Variants in TXNDC12 observed in about 807,000 individuals in gnomAD.
TXNDC12 encodes the protein thioredoxin domain-containing protein 12.
A neutral mutation model predicts 24.2 loss-of-function variants in TXNDC12; 22 were observed. The ratio of observed to expected loss-of-function variants is 0.91; its 90% CI spans 0.65 to 1.30. The LOEUF (loss-of-function observed/expected upper bound fraction) is 1.30. Ranked by LOEUF, TXNDC12 falls within the 50% of genes most tolerant of loss-of-function variation. The pLI is 0.00. For missense variants in TXNDC12, 184 were observed against 205.8 expected (o/e 0.89, Z 0.65); for synonymous variants, 58 against 73.4 (o/e 0.79, Z 1.07).
In TXNDC12 at chr1:52,020,590, T is replaced by C. The variant is rs1034231893; in HGVS notation, c.*343A>G. 5 of 304,548 alleles carry C rather than the reference T, an allele frequency of 1.6e-5. No individual in the cohort carries two copies. In the Admixed American group the frequency reaches 2.4e-4, roughly 14 times the overall value. The allele number at this position is 304,548 out of a possible 1,614,324, so 18.9% of individuals were successfully genotyped here. ...CCTTTCACCACTAAGGTGAGTAAAG[T>C]GGGAGGAAATGGGAAAAGACTCAAA... On this transcript the variant is annotated 3_prime_UTR_variant, in exon 7 of 7. Coordinates refer to ENST00000371626, the MANE Select transcript of TXNDC12 (RefSeq NM_015913.4).
At chr1:52,053,387 G>A in intron 1 of TXNDC12, among the ~76,000 whole-genome samples, 1 of 152,034 alleles carries the variant, frequency 6.6e-6, no homozygotes, top group East Asian at 1.9e-4. Context: ...GTAGCTGGCT[G>A]GGCGCAGTGG....
At chr1:52,042,707 C>T (rs1686017188) in intron 1 of TXNDC12, among the ~76,000 whole-genome samples, 1 of 152,126 alleles carries the variant, frequency 6.6e-6, no homozygotes, top group Non-Finnish European at 1.5e-5. Context: ...ACCGCAACCT[C>T]CACCTCCTGG....
chr1:52,053,695 C>A (rs200137274), intron 1 of TXNDC12, among the ~76,000 whole-genome samples: 1 of 150,702 alleles, frequency 6.6e-6, no homozygotes, highest in Non-Finnish European at 1.5e-5. Context: ...CAAAAAAAAA[C>A]GGTAGTCTGT....
At chr1:52,032,461 C>T (rs1281295048) in intron 2 of TXNDC12, 4 of 1,301,670 alleles carry the variant, frequency 3.1e-6, no homozygotes, top group Admixed American at 3.7e-5. Flanking sequence ...TTAGCTCTGT[C>T]CTCTGAGGGA....
chr1:52,023,471 T>A lies in TXNDC12; in HGVS notation c.439+20A>T. The A allele has an allele frequency of 6.3e-7, 1 of 1,596,446 alleles. No homozygotes were observed. The highest frequency in any genetic ancestry group is 1.1e-5 in the South Asian group (1 of 90,718). ...AGTTCAATCTAGCAATAATCCTCCCTCCCTTCAGCATAACTATACCTTGCT... is the reference window on the plus strand; with the variant it reads ...AGTTCAATCTAGCAATAATCCTCCCACCCTTCAGCATAACTATACCTTGCT... On this transcript the variant is annotated intron_variant, in intron 6 of 6. Coordinates refer to ENST00000371626, the MANE Select transcript of TXNDC12 (RefSeq NM_015913.4).
At chr1:52,049,788 T>G (rs1009182581) in intron 1 of TXNDC12, among the ~76,000 whole-genome samples, 3 of 152,050 alleles carry the variant, frequency 2.0e-5, no homozygotes, top group Non-Finnish European at 4.4e-5. Flanking sequence ...TCTGCCCGCC[T>G]TGGCCTCCCA....
intron 2 of TXNDC12, among the ~76,000 whole-genome samples, chr1:52,029,732 G>A (rs1319795276): frequency 6.6e-6 from 1 of 152,164 alleles, no homozygotes; most frequent in East Asian, 1.9e-4. Context: ...TTTGCCATGT[G>A]CCAGGCACTA....
At chr1:52,032,944 T>A in intron 2 of TXNDC12, 1 of 1,597,538 alleles carries the variant, frequency 6.3e-7, no homozygotes, top group Non-Finnish European at 8.5e-7. Context: ...CTGGTCCAAC[T>A]GGTGCAGAAA....
In TXNDC12 at chr1:52,040,951, C is replaced by G. The variant is rs186060864; in HGVS notation, c.158+586G>C. ...GGAGGCTGAGGCTTGACAAGAATTG[C>G]TTGAACCTGGGAGGTGGAGGTTGCA... On this transcript the variant is annotated intron_variant, in intron 2 of 6. Transcript: ENST00000371626. 2.0e-5 allele frequency among the ~76,000 whole-genome samples: 3 copies of G among 151,480 alleles called. No homozygotes were observed. In the East Asian group the frequency reaches 5.9e-4, roughly 30 times the overall value.
intron 2 of TXNDC12, chr1:52,033,005 C>T (rs756161230): frequency 1.9e-6 from 3 of 1,560,416 alleles, no homozygotes; most frequent in South Asian, 1.2e-5. Flanking sequence ...GGTGGTGGGG[C>T]CCGGTTCTCA....
intron 1 of TXNDC12, among the ~76,000 whole-genome samples, chr1:52,047,035 T>C (rs1686108959): frequency 6.6e-6 from 1 of 151,850 alleles, no homozygotes; most frequent in Non-Finnish European, 1.5e-5. Context: ...AGAGTGAGAC[T>C]CTGTCTCTAA....
chr1:52,054,930 G>A, intron 1 of TXNDC12, 70 bp downstream of exon 1: 4 of 1,228,574 alleles, frequency 3.3e-6, no homozygotes, highest in Non-Finnish European at 4.8e-6. Context: ...ACGGTGCTAG[G>A]GCAAGAAGAG....
chr1:52,050,593 G>A (rs989452794), intron 1 of TXNDC12, among the ~76,000 whole-genome samples: 4 of 152,172 alleles, frequency 2.6e-5, no homozygotes, highest in Non-Finnish European at 4.4e-5. Flanking sequence ...AAAAGGTCAA[G>A]CATCAGAGCT....
rs1686309443 is a variant in TXNDC12, at chr1:52,055,080, C to G, written c.17G>C (p.Arg6Pro). The change falls in exon 1 of 7, where the codon CGT (arginine) becomes CCT (proline). Residue 6 changes from arginine to proline, a missense_variant. Transcript: ENST00000371626. The part of the protein sequence containing the change: METRP[R>P]LGATCLLGFS... ...GCCCAGCAAACAGGTGGCCCCGAGA[C>G]GAGGCCGCGTCTCCATGGCAGTAGG... 6.2e-7 allele frequency: 1 copy of G among 1,613,908 alleles called. No homozygotes were observed. The highest frequency in any genetic ancestry group is 1.3e-5 in the African/African-American group (1 of 74,926).
intron 5 of TXNDC12, among the ~76,000 whole-genome samples, chr1:52,024,141 C>T (rs555324549): frequency 2.6e-5 from 4 of 152,110 alleles, no homozygotes; most frequent in South Asian, 4.2e-4. Context: ...ACTACAGGTG[C>T]GTGCCACCAC....
rs34590025 is a variant in TXNDC12, at chr1:52,037,207, CTTT to C, written c.158+4327_158+4329del. 9.4e-3 allele frequency among the ~76,000 whole-genome samples: 1,166 copies of C among 123,504 alleles called. 27 individuals are homozygous for C. In the East Asian group the frequency reaches 0.11, roughly 12 times the overall value. The allele number at this position is 123,504 out of a possible 152,430, so 81.0% of individuals were successfully genotyped here. On this transcript the variant is annotated intron_variant, in intron 2 of 6. Coordinates refer to ENST00000371626, the MANE Select transcript of TXNDC12 (RefSeq NM_015913.4). ...TTGTGTTTGGAGGCAAATAGACCAC[CTTT>C]TTTTTTTTTTTTTTTTTTTGAGACA...
chr1:52,041,475 C>T (rs960549272), intron 2 of TXNDC12, 62 bp downstream of exon 2: 26 of 1,217,234 alleles, frequency 2.1e-5, no homozygotes, highest in East Asian at 7.1e-5. Flanking sequence ...CTGAAATTAA[C>T]GTTAAGTTGA....
chr1:52,033,769 G>A (rs777847937), intron 2 of TXNDC12: 24 of 1,571,620 alleles, frequency 1.5e-5, no homozygotes, highest in Non-Finnish European at 2.1e-5. Flanking sequence ...CATCCTCTCA[G>A]GGAGCGACCA....
Position 52,023,544 on chromosome 1 carries a change from A to G in TXNDC12, c.386T>C (p.Ile129Thr), listed in dbSNP as rs2124357295. The change falls in exon 6 of 7, where the codon ATC becomes ACC. Residue 129 changes from isoleucine to threonine, a missense_variant. Physicochemically the swap from Ile to Thr is moderately conservative, Grantham distance 89. Coordinates refer to ENST00000371626, the MANE Select transcript of TXNDC12 (RefSeq NM_015913.4). ...GTAGCTGGGGTTTCCATTCTCATTG[A>G]TGATTTCAGGATGCACCTTGCCACT... ...DPSGKVHPEIINENGNPSYKY... is the reference protein window; with the variant it reads ...DPSGKVHPEITNENGNPSYKY... The G allele has an allele frequency of 1.2e-6, 2 of 1,614,078 alleles. No homozygotes were observed. Among genetic ancestry groups the G allele is most frequent in the Admixed American group, 1.7e-5 (1 of 60,010 alleles).
Sources: gnomAD v4.1 joint callset for allele counts (sites outside exome capture counted in the v4.1 genomes callset) on GRCh38, gnomAD v4.1.1 for gene constraint, MANE v1.5 for transcripts, NCBI Gene and HGNC (gene_info 2026-07-23, HGNC 2026-07-21) for gene names.